The following RYR3 variants were observed in gnomAD, a reference collection of about 807,000 sequenced individuals.
RYR3 encodes brain ryanodine receptor-calcium release channel.
Under a neutral mutation model 584.3 loss-of-function variants are expected in RYR3, and 207 were observed. The observed-to-expected ratio is 0.35, with a 90% CI of 0.32 to 0.40. The LOEUF (loss-of-function observed/expected upper bound fraction) is 0.40. Ranked by LOEUF, RYR3 falls within the 10% of genes least tolerant of loss-of-function variation. RYR3 has a pLI of 1.00. For synonymous variants in RYR3, 2,416 were observed against 2,248.5 expected (o/e 1.07, Z -2.11); for missense variants, 5,616 against 6,089.2 (o/e 0.92, Z 2.59).
intron 38 of RYR3, among the ~76,000 whole-genome samples, chr15:33,673,746 G>A (rs963957485): frequency 3.3e-5 from 5 of 152,094 alleles, no homozygotes; most frequent in Non-Finnish European, 5.9e-5. Flanking sequence ...ATTAAAATTC[G>A]GTAAATTCTT....
chr15:33,662,889 A>G lies in RYR3; in HGVS notation c.5359A>G (p.Lys1787Glu). The G allele has an allele frequency of 6.2e-7, 1 of 1,613,576 alleles. No individual in the cohort carries two copies. The highest frequency in any genetic ancestry group is 1.3e-5 in the African/African-American group (1 of 75,046). ...KAVEAGEKAG[K>E]EAPVKGLLQT... Reference sequence around the variant, plus strand: ...TGTGGAGGCTGGGGAGAAGGCCGGCAAGGAGGCTCCTGTCAAAGGCTTGTT... The same window carrying G: ...TGTGGAGGCTGGGGAGAAGGCCGGCGAGGAGGCTCCTGTCAAAGGCTTGTT... The change falls in exon 35 of 104, where the codon AAG becomes GAG. Residue 1787 changes from lysine (K) to glutamate (E), a missense_variant. Transcript: ENST00000634891.
chr15:33,341,909 TC>T (rs1181000991), intron 1 of RYR3, among the ~76,000 whole-genome samples: 1 of 152,228 alleles, frequency 6.6e-6, no homozygotes, highest in East Asian at 1.9e-4. Context: ...GTATAAACTT[TC>T]AGAGGAGGAA....
intron 39 of RYR3, among the ~76,000 whole-genome samples, chr15:33,697,414 G>C (rs2065926244): frequency 3.3e-5 from 5 of 152,192 alleles, no homozygotes. Context: ...GGAATGGGCA[G>C]CCAGAAAGTA....
chr15:33,497,140 G>C (rs1460779890), intron 2 of RYR3, among the ~76,000 whole-genome samples: 2 of 152,148 alleles, frequency 1.3e-5, no homozygotes, highest in African/African-American at 4.8e-5. Context: ...TAATTCCCCA[G>C]ATTCCTCCTC....
At chr15:33,317,119 A>G (rs1968288825) in intron 1 of RYR3, among the ~76,000 whole-genome samples, 1 of 152,202 alleles carries the variant, frequency 6.6e-6, no homozygotes, top group African/African-American at 2.4e-5. Context: ...CGTTTCCCAT[A>G]GGACCGCCTT....
chr15:33,343,391 C>T, intron 1 of RYR3, among the ~76,000 whole-genome samples: 1 of 152,186 alleles, frequency 6.6e-6, no homozygotes, highest in East Asian at 1.9e-4. Flanking sequence ...GAACACCTCC[C>T]TTTGTGTTTT....
chr15:33,596,819 T>C (rs992416372), intron 16 of RYR3, among the ~76,000 whole-genome samples: 2 of 148,498 alleles, frequency 1.3e-5, no homozygotes, highest in Non-Finnish European at 1.5e-5. Flanking sequence ...TCCTCCCATC[T>C]AGCTGTAATT....
chr15:33,369,925 T>C lies in RYR3; in HGVS notation c.51+58829T>C, dbSNP rs543847123. ...GGCTTAGATCATGGACAGTATCTTA[T>C]TCATCCAAACATTCATCCCATACCT... On this transcript the variant is annotated intron_variant, in intron 1 of 103. Transcript: ENST00000634891. Among the ~76,000 whole-genome samples the C allele has an allele frequency of 2.0e-5, 3 of 152,360 alleles. No homozygotes were observed. The East Asian group carries it at 5.8e-4, about 29-fold the overall frequency.
intron 43 of RYR3, among the ~76,000 whole-genome samples, chr15:33,719,115 C>G (rs2067711394): frequency 6.6e-6 from 1 of 152,186 alleles, no homozygotes; most frequent in Admixed American, 6.5e-5. Flanking sequence ...AAATTCTTTT[C>G]CTTGGTCCCC....
chr15:33,611,130 T>C (rs1326646236), intron 18 of RYR3, among the ~76,000 whole-genome samples: 1 of 152,222 alleles, frequency 6.6e-6, no homozygotes, highest in African/African-American at 2.4e-5. Context: ...TTTTTTAAAT[T>C]ACCTTTTCAT....
At chr15:33,738,640 A>G (rs1183449331) in intron 50 of RYR3, 50 bp downstream of exon 50, 3 of 1,600,468 alleles carry the variant, frequency 1.9e-6, no homozygotes, top group Non-Finnish European at 2.6e-6. Flanking sequence ...GTGCTCCAGC[A>G]TCTACAGATA....
chr15:33,837,218 A>C (rs1596921371), intron 88 of RYR3, among the ~76,000 whole-genome samples: 4 of 151,856 alleles, frequency 2.6e-5, no homozygotes, highest in Admixed American at 2.6e-4. Context: ...ACTGGGGAAA[A>C]CCTCCAAGCT....
At chr15:33,857,987 A>G (rs2079880032) in intron 99 of RYR3, 73 bp downstream of exon 99, 1 of 1,590,518 alleles carries the variant, frequency 6.3e-7, no homozygotes, top group Non-Finnish European at 8.6e-7. Flanking sequence ...CACTGGGAAG[A>G]AGGGCTGTGT....
intron 1 of RYR3, among the ~76,000 whole-genome samples, chr15:33,458,567 A>C (rs2047753648): frequency 6.6e-6 from 1 of 152,190 alleles, no homozygotes; most frequent in Non-Finnish European, 1.5e-5. Context: ...AACCATGACT[A>C]ATACAGCTGC....
At chr15:33,789,624 T>TATATA (rs2074972395) in intron 67 of RYR3, among the ~76,000 whole-genome samples, 204 of 11,672 alleles carry the variant, frequency 0.017, 10 homozygotes, top group East Asian at 0.062. Context: ...AGGTTTTATT[T>TATATA]TATATATATA....
At chr15:33,725,842 C>T (rs1415025964) in intron 45 of RYR3, among the ~76,000 whole-genome samples, 16 of 149,052 alleles carry the variant, frequency 1.1e-4, no homozygotes, top group Admixed American at 7.4e-4. Flanking sequence ...TGGTGGCGGG[C>T]GCCTGTAGTC....
At chr15:33,813,949 C>G (rs765578690) in intron 74 of RYR3, among the ~76,000 whole-genome samples, 2 of 152,170 alleles carry the variant, frequency 1.3e-5, no homozygotes, top group Non-Finnish European at 2.9e-5. Flanking sequence ...ATCAACAGTT[C>G]CAATAGTATT....
At chr15:33,628,656 T>A (rs534674452) in intron 21 of RYR3, 81 bp downstream of exon 21, 21 of 868,458 alleles carry the variant, frequency 2.4e-5, no homozygotes, top group Admixed American at 5.6e-5. Context: ...GCATGCCTAG[T>A]TTTCATTGCA....
chr15:33,500,090 C>G (rs2051830744), intron 2 of RYR3, among the ~76,000 whole-genome samples: 1 of 152,204 alleles, frequency 6.6e-6, no homozygotes, highest in African/African-American at 2.4e-5. Context: ...TGGGTGCTTA[C>G]TATTCTATGT....
Sources: allele counts gnomAD v4.1 joint callset (sites outside exome capture counted in the v4.1 genomes callset), GRCh38; gene constraint gnomAD v4.1.1; transcripts MANE v1.5; gene names NCBI Gene and HGNC (gene_info 2026-07-23, HGNC 2026-07-21).